BMPR1B: variants seen among roughly 807,000 people sequenced by gnomAD.
BMPR1B encodes bone morphogenetic protein receptor type-1B.
In BMPR1B, 12 loss-of-function variants were observed where a neutral mutation model predicts 59.1. That is an observed-to-expected ratio of 0.20 (90% CI 0.13 to 0.33). BMPR1B has a LOEUF of 0.33. Among genes scored for constraint, BMPR1B ranks in the 10% least tolerant of loss-of-function variants. The probability of loss-of-function intolerance (pLI) is 1.00; values close to 1 mark genes in which losing one functional copy is unlikely to be tolerated. For synonymous variants in BMPR1B, 237 were observed against 207.3 expected (o/e 1.14, Z -1.23); for missense variants, 550 against 610.9 (o/e 0.90, Z 1.05).
chr4:94,792,508 G>A (rs1392907302), intron 1 of BMPR1B, among the ~76,000 whole-genome samples: 3 of 151,452 alleles, frequency 2.0e-5, no homozygotes, highest in Non-Finnish European at 2.9e-5. Context: ...CACACTTTTT[G>A]CTTTTTTTAG....
intron 3 of BMPR1B, among the ~76,000 whole-genome samples, chr4:94,999,482 T>G (rs1722291118): frequency 6.6e-6 from 1 of 151,938 alleles, no homozygotes; most frequent in Admixed American, 6.6e-5. Context: ...GCTGAACTCA[T>G]AAGTTTATTT....
intron 2 of BMPR1B, among the ~76,000 whole-genome samples, chr4:94,914,340 A>C (rs1033385527): frequency 2.0e-5 from 3 of 152,178 alleles, no homozygotes; most frequent in African/African-American, 7.2e-5. Flanking sequence ...TGGTTTTGTA[A>C]TATTGGGTTG....
intron 3 of BMPR1B, among the ~76,000 whole-genome samples, chr4:95,065,014 A>C (rs143506778): frequency 2.6e-5 from 4 of 152,130 alleles, no homozygotes; most frequent in African/African-American, 7.2e-5. Context: ...CAGCAATTTG[A>C]CTCCTAGGTA....
At chr4:94,791,672 C>G (rs1357372144) in intron 1 of BMPR1B, among the ~76,000 whole-genome samples, 2 of 152,134 alleles carry the variant, frequency 1.3e-5, no homozygotes, top group Non-Finnish European at 2.9e-5. Context: ...TTAGTGGCCG[C>G]TGGTTTAATA....
intron 1 of BMPR1B, among the ~76,000 whole-genome samples, chr4:94,844,429 T>G (rs1221025882): frequency 6.6e-6 from 1 of 152,160 alleles, no homozygotes; most frequent in Non-Finnish European, 1.5e-5. Flanking sequence ...TAGAGCCAGT[T>G]GCCTGTTTAC....
chr4:95,109,020 C>G (rs959944680), intron 4 of BMPR1B, among the ~76,000 whole-genome samples: 6 of 152,044 alleles, frequency 3.9e-5, no homozygotes, highest in Non-Finnish European at 8.8e-5. Flanking sequence ...TATTTTTTCT[C>G]TATATAATCA....
chr4:94,965,990 T>C (rs1036387114), intron 2 of BMPR1B, among the ~76,000 whole-genome samples: 6 of 152,170 alleles, frequency 3.9e-5, no homozygotes. Context: ...TTAGAGAGAA[T>C]GGACATGCCA....
chr4:94,867,806 A>T (rs1193213046), intron 1 of BMPR1B, among the ~76,000 whole-genome samples: 1 of 152,166 alleles, frequency 6.6e-6, no homozygotes, highest in African/African-American at 2.4e-5. Flanking sequence ...ATTCTTGTGT[A>T]ATTACTGCAT....
At chr4:95,004,029 A>T (rs1156469622) in intron 3 of BMPR1B, among the ~76,000 whole-genome samples, 1 of 151,996 alleles carries the variant, frequency 6.6e-6, no homozygotes, top group Middle Eastern at 3.2e-3. Flanking sequence ...GCTGATCTCA[A>T]ACTCAATATT....
intron 3 of BMPR1B, among the ~76,000 whole-genome samples, chr4:95,045,750 G>C (rs1473367818): frequency 6.6e-6 from 1 of 152,146 alleles, no homozygotes; most frequent in Admixed American, 6.5e-5. Flanking sequence ...TTACTGGATT[G>C]TATGTTTGTC....
intron 1 of BMPR1B, among the ~76,000 whole-genome samples, chr4:94,766,545 T>C: frequency 6.6e-6 from 1 of 152,018 alleles, no homozygotes; most frequent in African/African-American, 2.4e-5. Flanking sequence ...GCATGAGATT[T>C]ACAGTGTATA....
At chr4:95,033,514 T>A (rs1725029176) in intron 3 of BMPR1B, among the ~76,000 whole-genome samples, 1 of 152,158 alleles carries the variant, frequency 6.6e-6, no homozygotes, top group African/African-American at 2.4e-5. Context: ...CAGGTGGATA[T>A]CCAGTTTTTC....
At chr4:94,765,702 G>T (rs1280825821) in intron 1 of BMPR1B, among the ~76,000 whole-genome samples, 1 of 152,146 alleles carries the variant, frequency 6.6e-6, no homozygotes, top group Admixed American at 6.5e-5. Context: ...ATGAAAAATT[G>T]GGGTTTGAGG....
At chr4:94,936,861 G>T (rs919014322) in intron 2 of BMPR1B, among the ~76,000 whole-genome samples, 2 of 151,966 alleles carry the variant, frequency 1.3e-5, no homozygotes, top group African/African-American at 4.8e-5. Context: ...CCTTAGCGCA[G>T]ATCCTCACTG....
chr4:94,958,731 G>A (rs942567798), intron 2 of BMPR1B, among the ~76,000 whole-genome samples: 5 of 152,108 alleles, frequency 3.3e-5, no homozygotes, highest in Non-Finnish European at 7.4e-5. Context: ...TCGTTGTTTG[G>A]AAATGTGTAT....
At chr4:94,981,165 T>C (rs192911863) in intron 2 of BMPR1B, among the ~76,000 whole-genome samples, 230 of 152,138 alleles carry the variant, frequency 1.5e-3, no homozygotes, top group African/African-American at 5.2e-3. Context: ...AGGTAAAATA[T>C]TGCTTTGGGT....
chr4:94,902,243 CACACACAGAGAGAG>C (rs1277399615), intron 2 of BMPR1B, among the ~76,000 whole-genome samples: 17 of 97,408 alleles, frequency 1.7e-4, no homozygotes, highest in South Asian at 4.0e-4. Flanking sequence ...CACACACACA[CACACACAGAGAGAG>C]AGAGAGAGAG....
chr4:94,916,083 G>A (rs1459460276), intron 2 of BMPR1B, among the ~76,000 whole-genome samples: 1 of 152,172 alleles, frequency 6.6e-6, no homozygotes, highest in Non-Finnish European at 1.5e-5. Context: ...TGTATAGCCT[G>A]CAGGACCATG....
chr4:94,781,250 G>A (rs1386399403), intron 1 of BMPR1B, among the ~76,000 whole-genome samples: 1 of 151,992 alleles, frequency 6.6e-6, no homozygotes, highest in Non-Finnish European at 1.5e-5. Context: ...TATATGATTT[G>A]CAAATATTTC....
Sources: allele counts gnomAD v4.1 joint callset (sites outside exome capture counted in the v4.1 genomes callset), GRCh38; gene constraint gnomAD v4.1.1; transcripts MANE v1.5; gene names NCBI Gene and HGNC (gene_info 2026-07-23, HGNC 2026-07-21).